The following OPLAH variants were observed in gnomAD, a reference collection of about 807,000 sequenced individuals.
OPLAH encodes the protein 5-oxoprolinase.
A neutral mutation model predicts 122.8 loss-of-function variants in OPLAH; 103 were observed. The ratio of observed to expected loss-of-function variants is 0.84; its 90% CI spans 0.71 to 0.99. The LOEUF is 0.99. Ranked by LOEUF, OPLAH falls within the 50% of genes least tolerant of loss-of-function variation. The pLI is 0.00. For synonymous variants in OPLAH, 875 were observed against 796.0 expected (o/e 1.10, Z -1.67); for missense variants, 1,902 against 1,836.5 (o/e 1.04, Z -0.65).
rs1248144943 is a variant in OPLAH, at chr8:144,059,619, G to C, written c.343C>G (p.Arg115Gly). The C allele has an allele frequency of 8.1e-6, 13 of 1,610,228 alleles. No homozygotes were observed. The highest frequency in any genetic ancestry group is 1.1e-5 in the Non-Finnish European group (13 of 1,178,096). Residue 115 changes from arginine (R) to glycine (G), a missense_variant, in exon 3 of 27, where the codon CGT becomes GGT. Physicochemically the swap from Arg to Gly is moderately radical, Grantham distance 125. Coordinates refer to ENST00000618853, the MANE Select transcript of OPLAH (RefSeq NM_017570.5). ...RDLLHIGTQA[R>G]GDLFDLAVPM... ...CTCACCAGGTCAAAGAGGTCCCCAC[G>C]GGCTTGGGTGCCAATGTGCAGCAGG...
upstream of OPLAH, among the ~76,000 whole-genome samples, chr8:144,062,823 T>G (rs922960216): frequency 9.9e-5 from 15 of 151,786 alleles, no homozygotes; most frequent in South Asian, 2.7e-3. Flanking sequence ...AGACGAAACC[T>G]CTAAGGGCCT....
At chr8:144,062,646 A>G (rs1446917679), upstream of OPLAH, among the ~76,000 whole-genome samples, 2 of 151,554 alleles carry the variant, frequency 1.3e-5, no homozygotes, top group African/African-American at 4.9e-5. Flanking sequence ...ATCAGGAGAG[A>G]TTCCCACACC....
Position 144,059,855 on chromosome 8 carries a change from G to A in OPLAH, c.171+7C>T, listed in dbSNP as rs1362069993. 1.9e-6 allele frequency: 3 copies of A among 1,612,476 alleles called. No individual in the cohort carries two copies. Among genetic ancestry groups the A allele is most frequent in the African/African-American group, 1.3e-5 (1 of 74,950 alleles). On this transcript the variant is annotated splice_region_variant and intron_variant, in intron 2 of 26. Coordinates refer to ENST00000618853, the MANE Select transcript of OPLAH (RefSeq NM_017570.5). Reference sequence around the variant, plus strand: ...GGTCCCTGTCCACCCGCTCCGCCCTGGCCCACCTGCTCCAGGATGCGGCGG... The same window carrying A: ...GGTCCCTGTCCACCCGCTCCGCCCTAGCCCACCTGCTCCAGGATGCGGCGG...
At position 144,054,716 on chromosome 8, in the gene OPLAH, G is replaced by A. The variant is rs781883139; in HGVS notation, c.2531C>T (p.Thr844Met). Residue 844 changes from threonine (T) to methionine (M), a missense_variant, in exon 19 of 27, where the codon ACG becomes ATG. Thr to Met is a moderately conservative substitution (Grantham distance 81). Coordinates refer to ENST00000618853, the MANE Select transcript of OPLAH (RefSeq NM_017570.5). ...GCTGGCCACATAGAACACAGGCCGC[G>A]TCTGACCCGGCCAAAACACCTAGCG... ...VITPVFWPGQ[T>M]RPVFYVASRG... The A allele has an allele frequency of 1.2e-5, 19 of 1,612,216 alleles. No homozygotes were observed. The highest frequency in any genetic ancestry group is 8.9e-5 in the East Asian group (4 of 44,886).
chr8:144,050,833 G>A, downstream of OPLAH: 4 of 991,910 alleles, frequency 4.0e-6, no homozygotes, highest in Non-Finnish European at 3.6e-6. Flanking sequence ...CCAGTCCATG[G>A]CCTCCTCCCC....
At position 144,052,266 on chromosome 8, in the gene OPLAH, C is replaced by T. The variant is rs1416653220; in HGVS notation, c.3364G>A (p.Gly1122Ser). Reference sequence around the variant, plus strand: ...CAGCTGGGACCCGCGCCCGCGCCGCCCGCCACCGTCTCGTAGTAGCCCATG... The same window carrying T: ...CAGCTGGGACCCGCGCCCGCGCCGCTCGCCACCGTCTCGTAGTAGCCCATG... ...AHMGYYETVA[G>S]GAGAGPSWHG... Residue 1122 changes from glycine (G) to serine (S), a missense_variant, in exon 24 of 27, where the codon GGC (glycine) becomes AGC (serine). Physicochemically the swap from Gly to Ser is moderately conservative, Grantham distance 56. This residue lies in a region of OPLAH where 1,726 missense variants were observed against 1,642.1 expected (regional missense o/e 1.05). Coordinates refer to ENST00000618853, the MANE Select transcript of OPLAH (RefSeq NM_017570.5). 1.3e-6 allele frequency: 2 copies of T among 1,537,768 alleles called. No individual in the cohort carries two copies. The highest frequency in any genetic ancestry group is 1.7e-6 in the Non-Finnish European group (2 of 1,146,860).
At position 144,055,813 on chromosome 8, in the gene OPLAH, G is replaced by A; in HGVS notation, c.2223C>T (p.Phe741=). ...CAGCAATGCTCATGAAGCGGTGTGA[G>A]AAGATGGACAGCTGGATAGGGTCCA... The part of the protein sequence containing the change: ...PQLDPIQLSI[F]SHRFMSIAEQ... Residue 741 remains phenylalanine, a synonymous_variant, in exon 16 of 27, where the codon TTC becomes TTT. Transcript: ENST00000618853. This position sits in a 1 kb window ranked among gnomAD's most constrained non-coding sequence, Gnocchi z 6.5. The A allele has an allele frequency of 6.4e-7, 1 of 1,559,878 alleles. No individual in the cohort carries two copies. Among genetic ancestry groups the A allele is most frequent in the African/African-American group, 1.4e-5 (1 of 73,422 alleles).
At position 144,051,412 on chromosome 8, in the gene OPLAH, G is replaced by T. The variant is rs1273041443; in HGVS notation, c.3781C>A (p.Pro1261Thr). The T allele has an allele frequency of 1.3e-6, 2 of 1,595,106 alleles. No homozygotes were observed. Among genetic ancestry groups the T allele is most frequent in the African/African-American group, 2.7e-5 (2 of 73,094 alleles). ...GGYGDPEDPA[P>T]PPGSPPQALA... ...GCTTGCGGGGGCGACCCCGGCGGTG[G>T]GGCGGGGTCCTCCGGGTCCCCATAG... is the stretch of plus-strand genomic sequence containing the variant. The change falls in exon 27 of 27, where the codon CCA becomes ACA. Residue 1261 changes from proline to threonine, a missense_variant. Physicochemically the swap from Pro to Thr is conservative, Grantham distance 38 (BLOSUM62 -1). This residue lies in a region of OPLAH where 1,726 missense variants were observed against 1,642.1 expected (regional missense o/e 1.05). Coordinates refer to ENST00000618853, the MANE Select transcript of OPLAH (RefSeq NM_017570.5).
At position 144,052,062 on chromosome 8, in the gene OPLAH, A is replaced by G. The variant is rs1429240651; in HGVS notation, c.3476T>C (p.Leu1159Pro). 17 of 1,585,546 alleles carry G rather than the reference A, an allele frequency of 1.1e-5. No individual in the cohort carries two copies. The highest frequency in any genetic ancestry group is 1.4e-5 in the African/African-American group (1 of 73,416). ...GCCCCGCCGCAGCTCGAAGCGGCGC[A>G]GGATGACCGGGTACCTGCGAGGGCG... ...EILESRYPVILRRFELRRGSG... is the reference protein window; with the variant it reads ...EILESRYPVIPRRFELRRGSG... The change falls in exon 25 of 27, where the codon CTG becomes CCG. Residue 1159 changes from leucine (L) to proline (P), a missense_variant. Physicochemically the swap from Leu to Pro is moderately conservative, Grantham distance 98. Coordinates refer to ENST00000618853, the MANE Select transcript of OPLAH (RefSeq NM_017570.5).
Position 144,059,675 on chromosome 8 carries a change from A to C in OPLAH, c.287T>G (p.Val96Gly), listed in dbSNP as rs1587568140. The C allele has an allele frequency of 6.2e-7, 1 of 1,612,386 alleles. No homozygotes were observed. Among genetic ancestry groups the C allele is most frequent in the Non-Finnish European group, 8.5e-7 (1 of 1,179,760 alleles). Residue 96 changes from valine (V) to glycine (G), a missense_variant, in exon 3 of 27, where the codon GTG becomes GGG. Around this residue, in one of 3 missense-constraint regions of OPLAH, gnomAD observed 168 missense variants for 170.6 expected, o/e 0.98. Transcript: ENST00000618853. ...NALLERKGER[V>G]ALLVTRGFRD... ...GAAGCCACGTGTCACCAGCAGCGCC[A>C]CCCGCTCCCCCTTCCGCTCCAGCAG...
downstream of OPLAH, chr8:144,050,764 G>A: frequency 3.0e-6 from 3 of 986,742 alleles, no homozygotes; most frequent in Non-Finnish European, 3.6e-6. Flanking sequence ...CTGAGGCTCT[G>A]GCTGATGCCG....
At position 144,057,845 on chromosome 8, in the gene OPLAH, C is replaced by G. The variant is rs782372556; in HGVS notation, c.1156+11G>C. 3 of 1,610,006 alleles carry G rather than the reference C, an allele frequency of 1.9e-6. No homozygotes were observed. The East Asian group carries it at 6.7e-5, about 36-fold the overall frequency. On this transcript the variant is annotated intron_variant, in intron 9 of 26. Coordinates refer to ENST00000618853, the MANE Select transcript of OPLAH (RefSeq NM_017570.5). ...AGGGCAAGGCCAGGCCGGCCAGATC[C>G]TGACTCTTACCTTTGCGGTAGCAGG... is the stretch of plus-strand genomic sequence containing the variant.
At chr8:144,059,152 T>C in intron 3 of OPLAH, 73 bp from the exon 4 acceptor site, 1 of 1,216,108 alleles carries the variant, frequency 8.2e-7, no homozygotes, top group Non-Finnish European at 1.2e-6. Flanking sequence ...GAGTGGGTGG[T>C]ACAGGTGAGT....
chr8:144,055,044 C>T lies in OPLAH; in HGVS notation c.2394G>A (p.Glu798=). Residue 798 remains glutamate, a synonymous_variant, in exon 17 of 27, where the codon GAG becomes GAA. Transcript: ENST00000618853. The surrounding 1 kb of genome is among the most constrained non-coding windows in gnomAD (Gnocchi z 6.5). ...HIPVHLGAMQ[E]TVQFQIQHLG... ...GAAGGGCCACCTGGAACTGCACCGT[C>T]TCCTGCATGGCACCCAGGTGCACAG... 6.6e-7 allele frequency: 1 copy of T among 1,518,282 alleles called. No homozygotes were observed. Among genetic ancestry groups the T allele is most frequent in the African/African-American group, 1.4e-5 (1 of 72,728 alleles). The allele number at this position is 1,518,282 out of a possible 1,614,324, so 94.1% of individuals were successfully genotyped here.
upstream of OPLAH, among the ~76,000 whole-genome samples, chr8:144,062,401 C>G (rs1170049117): frequency 6.6e-6 from 1 of 152,106 alleles, no homozygotes; most frequent in African/African-American, 2.4e-5. Context: ...CATCCTGAGG[C>G]CCAGCTGAGG....
At chr8:144,050,430 C>T (rs1456886990), downstream of OPLAH, 3 of 985,506 alleles carry the variant, frequency 3.0e-6, no homozygotes, top group Middle Eastern at 1.0e-3. Context: ...TGCTCCTGGG[C>T]GACCTAAACT....
chr8:144,051,671 G>A, intron 26 of OPLAH, 58 bp downstream of exon 26: 1 of 1,408,416 alleles, frequency 7.1e-7, no homozygotes, highest in Non-Finnish European at 9.7e-7. Flanking sequence ...CCCCCTCTGT[G>A]GGATGGGGCC....
In OPLAH at chr8:144,058,661, C is replaced by A; in HGVS notation, c.618G>T (p.Val206=). The change falls in exon 6 of 27, where the codon GTG becomes GTT. Residue 206 remains valine (V), a synonymous_variant. Transcript: ENST00000618853. ...GCGTGAAGCCCAGCTCCCGGGCCAG[C>A]ACACCCACCTGCTGCTCATGCTGGG... ...TWAQHEQQVG[V]LARELGFTHV... 1 of 1,596,944 alleles carries A rather than the reference C, an allele frequency of 6.3e-7. No homozygotes were observed. The highest frequency in any genetic ancestry group is 8.5e-7 in the Non-Finnish European group (1 of 1,174,890).
At chr8:144,050,461 C>T (rs1327472624), downstream of OPLAH, 79 of 985,516 alleles carry the variant, frequency 8.0e-5, no homozygotes, top group Non-Finnish European at 9.3e-5. Flanking sequence ...CTGGAAAGGT[C>T]CAGCAGGAGA....
Sources: gnomAD v4.1 joint callset for allele counts (sites outside exome capture counted in the v4.1 genomes callset) on GRCh38, gnomAD v4.1.1 for gene constraint, gnomAD v4.1.1 regional missense constraint, Gnocchi (gnomAD v3.1) non-coding constraint, MANE v1.5 for transcripts, NCBI Gene and HGNC (gene_info 2026-07-23, HGNC 2026-07-21) for gene names.